The following XIRP2 variants were observed in gnomAD, a reference collection of about 807,000 sequenced individuals.
The protein encoded by XIRP2 is xin actin binding repeat containing 2.
Under a neutral mutation model 277.0 loss-of-function variants are expected in XIRP2, and 236 were observed. The observed-to-expected ratio is 0.85, with a 90% CI of 0.77 to 0.95. The LOEUF is 0.95. Ranked by LOEUF, XIRP2 falls within the 40% of genes least tolerant of loss-of-function variation. The pLI is 0.00. For synonymous variants in XIRP2, 1,490 were observed against 1,416.5 expected (o/e 1.05, Z -1.17); for missense variants, 4,640 against 4,157.5 (o/e 1.12, Z -3.19).
chr2:167,116,130 T>C (rs577041992), intron 2 of XIRP2, among the ~76,000 whole-genome samples: 6 of 152,218 alleles, frequency 3.9e-5, no homozygotes, highest in Admixed American at 1.3e-4. Flanking sequence ...TGAGATGTTC[T>C]GTAAATATTA....
intron 2 of XIRP2, among the ~76,000 whole-genome samples, chr2:167,026,101 A>C (rs372466143): frequency 2.6e-5 from 4 of 151,988 alleles, no homozygotes; most frequent in Non-Finnish European, 5.9e-5. Context: ...AGTCTCTTTG[A>C]AGGTCACTCA....
At chr2:167,108,637 C>T (rs1558982865) in intron 2 of XIRP2, among the ~76,000 whole-genome samples, 2 of 151,960 alleles carry the variant, frequency 1.3e-5, no homozygotes, top group East Asian at 1.9e-4. Flanking sequence ...AATGGTAAAT[C>T]GTTTACAAAG....
chr2:166,975,336 C>T (rs192143555), intron 2 of XIRP2, among the ~76,000 whole-genome samples: 16 of 152,110 alleles, frequency 1.1e-4, no homozygotes, highest in Admixed American at 3.3e-4. Flanking sequence ...CAAACAAGTA[C>T]GGAATAATCA....
intron 2 of XIRP2, among the ~76,000 whole-genome samples, chr2:166,937,796 A>T (rs1275501574): frequency 6.6e-6 from 1 of 152,164 alleles, no homozygotes; most frequent in African/African-American, 2.4e-5. Flanking sequence ...CCATTCAGAG[A>T]TTCAACTTAT....
At chr2:166,915,945 A>G (rs1230846477) in intron 2 of XIRP2, among the ~76,000 whole-genome samples, 1 of 152,216 alleles carries the variant, frequency 6.6e-6, no homozygotes, top group Non-Finnish European at 1.5e-5. Flanking sequence ...TACAAGTTGT[A>G]CTTCCTTGGG....
At chr2:166,965,242 T>C (rs1686400668) in intron 2 of XIRP2, among the ~76,000 whole-genome samples, 1 of 151,896 alleles carries the variant, frequency 6.6e-6, no homozygotes, top group African/African-American at 2.4e-5. Flanking sequence ...GACTTACCAG[T>C]GTCACTATTC....
At chr2:167,044,777 C>T (rs919470211) in intron 2 of XIRP2, among the ~76,000 whole-genome samples, 19 of 152,004 alleles carry the variant, frequency 1.2e-4, no homozygotes, top group African/African-American at 4.6e-4. Context: ...GAAAAATATT[C>T]CATGCTCATT....
intron 2 of XIRP2, among the ~76,000 whole-genome samples, chr2:167,102,342 C>T (rs1428656255): frequency 5.3e-5 from 8 of 152,320 alleles, no homozygotes; most frequent in Non-Finnish European, 1.2e-4. Flanking sequence ...ACCCCTTATC[C>T]TTTCTCACTG....
intron 3 of XIRP2, among the ~76,000 whole-genome samples, chr2:167,154,402 C>T (rs1185053180): frequency 6.6e-6 from 1 of 151,244 alleles, no homozygotes; most frequent in Non-Finnish European, 1.5e-5. Context: ...TGCAGAAGCT[C>T]TTTAGTTTAA....
chr2:167,251,199 T>A lies in XIRP2; in HGVS notation c.9807T>A (p.Ala3269=), dbSNP rs1442450903. The A allele has an allele frequency of 1.2e-6, 2 of 1,613,400 alleles. No individual in the cohort carries two copies. The highest frequency in any genetic ancestry group is 2.7e-5 in the African/African-American group (2 of 74,852). ...AAATCAGGAAAGTGGAGAAGAGAGC[T>A]ACTTATGTTCATAAAGATGGACTAA... ...QEEIRKVEKR[A]TYVHKDGLNS... Residue 3269 remains alanine (A), a synonymous_variant, in exon 9 of 11, where the codon GCT becomes GCA. Coordinates refer to ENST00000409195, the MANE Select transcript of XIRP2 (RefSeq NM_152381.6).
chr2:167,012,387 T>G (rs1687704987), intron 2 of XIRP2, among the ~76,000 whole-genome samples: 1 of 151,812 alleles, frequency 6.6e-6, no homozygotes. Context: ...AGTATCAGAA[T>G]GAATCAGACT....
chr2:167,227,395 T>A (rs900111308), intron 5 of XIRP2, among the ~76,000 whole-genome samples: 5 of 152,074 alleles, frequency 3.3e-5, no homozygotes, highest in Non-Finnish European at 7.4e-5. Flanking sequence ...TCTGCATATA[T>A]ATGACATATT....
At chr2:166,934,195 CA>C (rs750753001) in intron 2 of XIRP2, among the ~76,000 whole-genome samples, 1,589 of 71,574 alleles carry the variant, frequency 0.022, 26 homozygotes, top group African/African-American at 0.056. Context: ...AAATCAACAG[CA>C]AAAAAAAAAA....
intron 2 of XIRP2, among the ~76,000 whole-genome samples, chr2:166,931,664 C>A (rs2105368972): frequency 6.6e-6 from 1 of 152,160 alleles, no homozygotes; most frequent in South Asian, 2.1e-4. Flanking sequence ...CTTAACCATT[C>A]TTTTGTGGGT....
intron 2 of XIRP2, 41 bp from the exon 3 acceptor site, chr2:167,135,868 T>G (rs771835672): frequency 6.6e-7 from 1 of 1,515,496 alleles, no homozygotes; most frequent in African/African-American, 1.4e-5. Flanking sequence ...TGTTTCCTAC[T>G]GATAGCTTTT....
rs973905448 is a variant in XIRP2 at position 166,933,551 on chromosome 2, G to C, written c.408+29661G>C. ...GCCAAGATCGTGCCACTGCACTCCA[G>C]CCTGGGCGACAGAGTGAGACTCCTC... On this transcript the variant is annotated intron_variant, in intron 2 of 10. Transcript: ENST00000409195. 6.2e-4 allele frequency among the ~76,000 whole-genome samples: 93 copies of C among 151,150 alleles called. 2 individuals are homozygous for C. Among genetic ancestry groups the C allele is most frequent in the Non-Finnish European group, 1.9e-4 (13 of 67,904 alleles).
At chr2:166,912,090 A>G (rs1291110033) in intron 2 of XIRP2, among the ~76,000 whole-genome samples, 2 of 152,028 alleles carry the variant, frequency 1.3e-5, no homozygotes, top group African/African-American at 4.8e-5. Context: ...TGTGTCTTGG[A>G]GTTGCTCTTC....
At chr2:167,178,093 A>G (rs1282156610) in intron 3 of XIRP2, among the ~76,000 whole-genome samples, 1 of 152,040 alleles carries the variant, frequency 6.6e-6, no homozygotes, top group Non-Finnish European at 1.5e-5. Context: ...ATTTGTAGAA[A>G]GGTGAAAAGT....
intron 3 of XIRP2, among the ~76,000 whole-genome samples, chr2:167,165,536 T>G (rs1317885294): frequency 8.5e-5 from 13 of 152,222 alleles, no homozygotes; most frequent in Admixed American, 8.5e-4. Flanking sequence ...AGGTGGACGA[T>G]TCTACTGGGT....
Sources: allele counts gnomAD v4.1 joint callset (sites outside exome capture counted in the v4.1 genomes callset), GRCh38; gene constraint gnomAD v4.1.1; transcripts MANE v1.5; gene names NCBI Gene and HGNC (gene_info 2026-07-23, HGNC 2026-07-21).